ANO3: variants seen among roughly 807,000 people sequenced by gnomAD.
The protein encoded by ANO3 is anoctamin 3.
A neutral mutation model predicts 144.8 loss-of-function variants in ANO3; 99 were observed. The observed-to-expected ratio is 0.68, with a 90% CI of 0.58 to 0.81. The LOEUF (loss-of-function observed/expected upper bound fraction) is 0.81, where lower values mean the gene tolerates loss of function less well. Among genes scored for constraint, ANO3 ranks in the 30% least tolerant of loss-of-function variants. The probability of loss-of-function intolerance (pLI) is 0.00; values close to 1 mark genes in which losing one functional copy is unlikely to be tolerated. For missense variants in ANO3, 905 were observed against 1,202.2 expected (o/e 0.75, Z 3.66); for synonymous variants, 414 against 392.6 (o/e 1.05, Z -0.64).
At chr11:26,582,394 C>T (rs1214148986) in intron 14 of ANO3, among the ~76,000 whole-genome samples, 2 of 152,068 alleles carry the variant, frequency 1.3e-5, no homozygotes, top group Non-Finnish European at 2.9e-5. Context: ...TTTGAATAGA[C>T]GAAGACCTTA....
At chr11:26,595,039 G>A (rs139315198) in intron 14 of ANO3, among the ~76,000 whole-genome samples, 2,556 of 152,208 alleles carry the variant, frequency 0.017, 52 homozygotes, top group Middle Eastern at 0.048. Flanking sequence ...TGGGGGGAAT[G>A]TTTCCCATCT....
intron 14 of ANO3, among the ~76,000 whole-genome samples, chr11:26,581,545 T>C (rs753149747): frequency 6.6e-6 from 1 of 151,596 alleles, no homozygotes; most frequent in Non-Finnish European, 1.5e-5. Context: ...AAAAATTAGC[T>C]GGGCATGGTG....
chr11:26,197,164 C>T (rs1055779098), intron 1 of ANO3, among the ~76,000 whole-genome samples: 1 of 152,076 alleles, frequency 6.6e-6, no homozygotes, highest in Admixed American at 6.6e-5. Flanking sequence ...TTCTTTCAAC[C>T]TTATCTTCAT....
chr11:26,505,243 A>G (rs1252953089), intron 4 of ANO3, among the ~76,000 whole-genome samples: 3 of 152,096 alleles, frequency 2.0e-5, no homozygotes, highest in Non-Finnish European at 4.4e-5. Flanking sequence ...AAAAAAGACG[A>G]TTCAAAATGT....
intron 23 of ANO3, 47 bp downstream of exon 23, chr11:26,643,381 G>C (rs563249070): frequency 1.2e-6 from 2 of 1,603,714 alleles, no homozygotes; most frequent in Admixed American, 1.7e-5. Flanking sequence ...ACACCAATAG[G>C]TTGCTATGGT....
chr11:26,299,344 A>C (rs1293278579), intron 1 of ANO3, among the ~76,000 whole-genome samples: 1 of 152,226 alleles, frequency 6.6e-6, no homozygotes, highest in Non-Finnish European at 1.5e-5. Flanking sequence ...GGTGAAGAAG[A>C]GGTCATTGGT....
chr11:26,614,492 T>C (rs2132977618), intron 17 of ANO3, among the ~76,000 whole-genome samples: 1 of 152,264 alleles, frequency 6.6e-6, no homozygotes, highest in East Asian at 1.9e-4. Context: ...CAAGACACAC[T>C]GTATACATGG....
chr11:26,226,539 C>T (rs1852260950), intron 1 of ANO3, among the ~76,000 whole-genome samples: 1 of 152,058 alleles, frequency 6.6e-6, no homozygotes, highest in Admixed American at 6.6e-5. Flanking sequence ...TGGAGCCCGA[C>T]TTACTTGTAC....
intron 1 of ANO3, among the ~76,000 whole-genome samples, chr11:26,262,402 A>T (rs1380884551): frequency 6.6e-6 from 1 of 152,054 alleles, no homozygotes; most frequent in African/African-American, 2.4e-5. Flanking sequence ...CCAGTAACCC[A>T]CTATGCTTGT....
chr11:26,613,618 C>G (rs1404472138), intron 17 of ANO3, among the ~76,000 whole-genome samples: 1 of 152,020 alleles, frequency 6.6e-6, no homozygotes, highest in Non-Finnish European at 1.5e-5. Context: ...TTTGTTCTTT[C>G]TGGTTTTATA....
intron 1 of ANO3, among the ~76,000 whole-genome samples, chr11:26,358,170 C>CTT (rs34078380): frequency 0.11 from 13,579 of 119,400 alleles, 1,549 homozygotes; most frequent in Middle Eastern, 0.15. Context: ...ACAATTTCAA[C>CTT]TTTTTTTTTT....
intron 18 of ANO3, among the ~76,000 whole-genome samples, chr11:26,630,839 C>A (rs1852754364): frequency 1.3e-5 from 2 of 152,080 alleles, no homozygotes; most frequent in African/African-American, 4.8e-5. Context: ...TCTCACCAAG[C>A]AAGTTGAATT....
At chr11:26,431,855 G>A (rs1253156433) in intron 1 of ANO3, among the ~76,000 whole-genome samples, 1 of 152,132 alleles carries the variant, frequency 6.6e-6, no homozygotes, top group Non-Finnish European at 1.5e-5. Context: ...GAGCAGTGCT[G>A]CAAAGAACAT....
chr11:26,316,222 A>G (rs935703979), intron 1 of ANO3, among the ~76,000 whole-genome samples: 2 of 152,162 alleles, frequency 1.3e-5, no homozygotes, highest in Admixed American at 1.3e-4. Context: ...AGATAGTGAA[A>G]GCTGGGTCCA....
chr11:26,596,194 C>A (rs201382328), intron 14 of ANO3, among the ~76,000 whole-genome samples: 1 of 48,726 alleles, frequency 2.1e-5, no homozygotes, highest in Admixed American at 1.6e-4. Flanking sequence ...TCTCTTTCTT[C>A]TTTGACTTTC....
At chr11:26,524,774 T>G (rs1220375499) in intron 6 of ANO3, among the ~76,000 whole-genome samples, 1 of 152,192 alleles carries the variant, frequency 6.6e-6, no homozygotes, top group Non-Finnish European at 1.5e-5. Context: ...TAAGGCCCGT[T>G]ATCATCTGTG....
At chr11:26,399,137 T>G (rs1263267470) in intron 1 of ANO3, among the ~76,000 whole-genome samples, 1 of 151,992 alleles carries the variant, frequency 6.6e-6, no homozygotes, top group Non-Finnish European at 1.5e-5. Flanking sequence ...GATAAAATTC[T>G]GCCCAACCTC....
chr11:26,651,862 T>C (rs1035573067), intron 24 of ANO3, among the ~76,000 whole-genome samples: 1 of 152,182 alleles, frequency 6.6e-6, no homozygotes, highest in South Asian at 2.1e-4. Flanking sequence ...GGAGATAAAA[T>C]ATATATGTTT....
chr11:26,205,010 G>A (rs1851769520), intron 1 of ANO3, among the ~76,000 whole-genome samples: 1 of 152,144 alleles, frequency 6.6e-6, no homozygotes, highest in South Asian at 2.1e-4. Flanking sequence ...CATGGCAAAA[G>A]AGGAACCAAA....
Sources: allele counts gnomAD v4.1 joint callset (sites outside exome capture counted in the v4.1 genomes callset), GRCh38; gene constraint gnomAD v4.1.1; transcripts MANE v1.5; gene names NCBI Gene and HGNC (gene_info 2026-07-23, HGNC 2026-07-21).